SHISAL1: variants seen among roughly 807,000 people sequenced by gnomAD.
SHISAL1 encodes the protein shisa like 1.
Under a neutral mutation model 22.6 loss-of-function variants are expected in SHISAL1, and 9 were observed. That is an observed-to-expected ratio of 0.40 (90% CI 0.24 to 0.70). The LOEUF is 0.70. SHISAL1 is among the 30% of genes least tolerant of loss of function. The pLI is 0.39. For missense variants in SHISAL1, 246 were observed against 270.6 expected (o/e 0.91, Z 0.64); for synonymous variants, 119 against 115.4 (o/e 1.03, Z -0.20).
At chr22:44,325,497 T>C in the SHISAL1 span, among the ~76,000 whole-genome samples, 1 of 152,190 alleles carries the variant, frequency 6.6e-6, no homozygotes, top group Non-Finnish European at 1.5e-5. Context: ...GAAAGGGGCC[T>C]TTCTAGACTT....
chr22:44,253,595 A>AATTT (rs1491273142), intron 4 of SHISAL1, among the ~76,000 whole-genome samples: 2 of 133,914 alleles, frequency 1.5e-5, no homozygotes, highest in Middle Eastern at 7.6e-3. Context: ...ATGTCTGGCT[A>AATTT]ATTTTTTTTT....
intron 4 of SHISAL1, among the ~76,000 whole-genome samples, chr22:44,254,383 C>G (rs934631336): frequency 6.6e-6 from 1 of 152,040 alleles, no homozygotes. Context: ...TTTTTAGAGA[C>G]AGGCTCTTGC....
chr22:44,291,394 C>T (rs910776601), intron 3 of SHISAL1, among the ~76,000 whole-genome samples: 1 of 152,214 alleles, frequency 6.6e-6, no homozygotes, highest in Non-Finnish European at 1.5e-5. Context: ...CCCCTGTGTG[C>T]TGTGTGGCTG....
intron 3 of SHISAL1, among the ~76,000 whole-genome samples, chr22:44,290,833 G>T (rs543200059): frequency 6.6e-6 from 1 of 152,324 alleles, no homozygotes; most frequent in Non-Finnish European, 1.5e-5. Flanking sequence ...TGTGATTAAG[G>T]CACAGAGAGA....
intron 4 of SHISAL1, among the ~76,000 whole-genome samples, chr22:44,270,211 T>C (rs188736405): frequency 0.047 from 7,200 of 152,096 alleles, 579 homozygotes; most frequent in African/African-American, 0.16. Context: ...CTCTCCTATC[T>C]CGACAACCCT....
intron 4 of SHISAL1, among the ~76,000 whole-genome samples, chr22:44,266,416 TGGG>T (rs11440763): frequency 6.6e-4 from 72 of 109,362 alleles, no homozygotes; most frequent in African/African-American, 2.4e-3. Flanking sequence ...TGTTGTTTGT[TGGG>T]GGGCTGTGTG....
At chr22:44,258,674 A>G (rs2055100911) in intron 4 of SHISAL1, among the ~76,000 whole-genome samples, 1 of 152,182 alleles carries the variant, frequency 6.6e-6, no homozygotes. Flanking sequence ...GCTGCGTTGT[A>G]GTCCATGGTG....
intron 4 of SHISAL1, among the ~76,000 whole-genome samples, chr22:44,251,549 A>G (rs1349413350): frequency 5.3e-5 from 8 of 152,220 alleles, no homozygotes; most frequent in Admixed American, 5.2e-4. Flanking sequence ...GGCAACTTAC[A>G]AAAGAGGTTT....
chr22:44,278,516 G>T (rs1003543515), intron 4 of SHISAL1, among the ~76,000 whole-genome samples: 3 of 152,230 alleles, frequency 2.0e-5, no homozygotes, highest in Non-Finnish European at 4.4e-5. Flanking sequence ...GGAGTGCTGA[G>T]GAGAAGGAGG....
intron 4 of SHISAL1, among the ~76,000 whole-genome samples, chr22:44,261,077 T>TTATATA (rs56290835): frequency 0.044 from 4,745 of 108,602 alleles, 331 homozygotes; most frequent in African/African-American, 0.073. Context: ...CTTCATTACT[T>TTATATA]TATATATATA....
At chr22:44,291,947 C>T (rs2055355423) in intron 3 of SHISAL1, among the ~76,000 whole-genome samples, 1 of 152,138 alleles carries the variant, frequency 6.6e-6, no homozygotes, top group Non-Finnish European at 1.5e-5. Flanking sequence ...GGGCCCCTGC[C>T]CCACCCCTCT....
At chr22:44,317,798 A>G (rs911955546), upstream of SHISAL1, among the ~76,000 whole-genome samples, 1 of 152,246 alleles carries the variant, frequency 6.6e-6, no homozygotes, top group Non-Finnish European at 1.5e-5. Flanking sequence ...CCCCCGCAGC[A>G]TAGCAAGCAC....
chr22:44,272,601 G>A (rs1186688597), intron 4 of SHISAL1, among the ~76,000 whole-genome samples: 16 of 152,254 alleles, frequency 1.1e-4, no homozygotes, highest in Admixed American at 9.2e-4. Context: ...TGCCCAAGAC[G>A]TTTCCTTGGG....
At chr22:44,276,886 C>G (rs126259) in intron 4 of SHISAL1, among the ~76,000 whole-genome samples, 73,007 of 151,850 alleles carry the variant, frequency 0.48, 18,057 homozygotes, top group African/African-American at 0.55. Context: ...TAAGATCAGG[C>G]AGATGATGAA....
chr22:44,273,833 G>A (rs1026397784), intron 4 of SHISAL1, among the ~76,000 whole-genome samples: 3 of 152,142 alleles, frequency 2.0e-5, no homozygotes, highest in African/African-American at 7.2e-5. Context: ...TGTCTTGGGG[G>A]TGCAGTAAAA....
At chr22:44,284,905 T>TCCTG (rs1194664456) in intron 4 of SHISAL1, among the ~76,000 whole-genome samples, 1 of 32,394 alleles carries the variant, frequency 3.1e-5, no homozygotes, top group Non-Finnish European at 8.7e-5. Context: ...CTGCCTTCCT[T>TCCTG]CCTTCCTTCC....
chr22:44,276,792 A>G (rs1342251742), intron 4 of SHISAL1, among the ~76,000 whole-genome samples: 13 of 152,124 alleles, frequency 8.5e-5, no homozygotes, highest in African/African-American at 2.7e-4. Flanking sequence ...CGGGAGGTGG[A>G]CAGGATTGGA....
intron 2 of SHISAL1, among the ~76,000 whole-genome samples, chr22:44,299,626 G>A (rs765411546): frequency 6.6e-6 from 1 of 152,134 alleles, no homozygotes; most frequent in Non-Finnish European, 1.5e-5. Flanking sequence ...CCCCAGCAAA[G>A]GGGCAGGGGC....
intron 4 of SHISAL1, among the ~76,000 whole-genome samples, chr22:44,273,399 G>C (rs919217516): frequency 6.6e-6 from 1 of 152,194 alleles, no homozygotes; most frequent in Non-Finnish European, 1.5e-5. Context: ...TACCGTCACC[G>C]GCACAGATGA....
Sources: gnomAD v4.1 joint callset for allele counts (sites outside exome capture counted in the v4.1 genomes callset) on GRCh38, gnomAD v4.1.1 for gene constraint, MANE v1.5 for transcripts, NCBI Gene and HGNC (gene_info 2026-07-23, HGNC 2026-07-21) for gene names.